PHF10: variants seen among roughly 807,000 people sequenced by gnomAD.
PHF10 encodes the protein BRG1-associated factor 45a.
A neutral mutation model predicts 68.5 loss-of-function variants in PHF10; 51 were observed. That is an observed-to-expected ratio of 0.74 (90% confidence interval 0.59 to 0.94). PHF10 has a LOEUF of 0.94. Ranked by LOEUF, PHF10 falls within the 40% of genes least tolerant of loss-of-function variation. The pLI, the probability that PHF10 is intolerant of heterozygous loss-of-function variation, is 0.00. For synonymous variants in PHF10, 204 were observed against 203.5 expected, an observed-to-expected ratio of 1.00 and a Z score of -0.02; for missense variants, 460 against 602.6, an observed-to-expected ratio of 0.76 and a Z score of 2.48.
At chr6:169,711,215 G>A (rs1262840178) in intron 8 of PHF10, among the ~76,000 whole-genome samples, 1 of 151,664 alleles carries the variant, frequency 6.6e-6, no homozygotes, top group Non-Finnish European at 1.5e-5. Context: ...TACAAAACTG[G>A]ATTACACTGT....
chr6:169,712,337 A>T (rs773703874), intron 8 of PHF10, 49 bp downstream of exon 8: 26 of 1,534,158 alleles, frequency 1.7e-5, no homozygotes, highest in East Asian at 1.3e-4. Context: ...AATGTAACAA[A>T]AATTCAAAGA....
Position 169,703,964 on chromosome 6 carries a change from C to T in PHF10, c.*39G>A. The T allele has an allele frequency of 7.0e-7, 1 of 1,420,430 alleles. No individual in the cohort carries two copies. The highest frequency in any genetic ancestry group is 1.8e-4 in the Middle Eastern group (1 of 5,706). The allele number at this position is 1,420,430 out of a possible 1,614,324, so 88.0% of individuals were successfully genotyped here. ...ATGTTGTAAATGGCACCAAATATTC[C>T]ACTTAAATGCATATACAGTATTAGA... On this transcript the variant is annotated 3_prime_UTR_variant, in exon 12 of 12. Coordinates refer to ENST00000339209, the MANE Select transcript of PHF10 (RefSeq NM_018288.4).
chr6:169,710,634 A>C (rs942639014), intron 8 of PHF10, among the ~76,000 whole-genome samples: 1 of 152,130 alleles, frequency 6.6e-6, no homozygotes, highest in Non-Finnish European at 1.5e-5. Context: ...GCCTTCATCA[A>C]CTTTGTTTTC....
At chr6:169,712,081 G>A (rs1458224519) in intron 8 of PHF10, among the ~76,000 whole-genome samples, 1 of 152,152 alleles carries the variant, frequency 6.6e-6, no homozygotes, top group Non-Finnish European at 1.5e-5. Context: ...ATCAAATTCT[G>A]TTTTGTTCAA....
intron 11 of PHF10, 70 bp downstream of exon 11, chr6:169,705,063 T>G (rs1788731244): frequency 1.7e-6 from 2 of 1,179,742 alleles, no homozygotes; most frequent in East Asian, 4.8e-5. Flanking sequence ...ATAGCGTTTA[T>G]GCAGCCTTTT....
At chr6:169,707,327 C>A (rs1292970171) in intron 9 of PHF10, 1 of 152,120 alleles carries the variant, frequency 6.6e-6, no homozygotes, top group African/African-American at 2.4e-5. Context: ...TGTTCCTATA[C>A]CTAAATAAAA....
chr6:169,706,264 C>A (rs930722638), intron 9 of PHF10, among the ~76,000 whole-genome samples: 3 of 152,124 alleles, frequency 2.0e-5, no homozygotes, highest in Admixed American at 6.6e-5. Context: ...AAAGATGTCT[C>A]ATGCATACAT....
In PHF10 at chr6:169,705,665, CTTG is replaced by C. The variant is rs1271570850; in HGVS notation, c.1170_1172del (p.Asn390del). 1 of 1,591,498 alleles carries C rather than the reference CTTG, an allele frequency of 6.3e-7. No homozygotes were observed. Among genetic ancestry groups the C allele is most frequent in the Non-Finnish European group, 8.6e-7 (1 of 1,159,500 alleles). ...GTATAAGTGATTCAGCCTTTCCTTTCTTGTTGGACTCCTTACCCTTCAGACAAA... is the reference window on the plus strand; with the variant it reads ...GTATAAGTGATTCAGCCTTTCCTTTCTTGGACTCCTTACCCTTCAGACAAA... On this transcript the variant is annotated inframe_deletion, in exon 10 of 12. Transcript: ENST00000339209.
chr6:169,705,629 T>C lies in PHF10; in HGVS notation c.1209A>G (p.Gln403=), dbSNP rs4286788. The C allele has an allele frequency of 8.2e-4, 1,204 of 1,467,854 alleles. 3 individuals carry two copies. The African/African-American group carries it at 0.015, about 19-fold the overall frequency. 90.9% of individuals were successfully genotyped at this position (1,467,854 alleles called of 1,614,324 possible). ...TTCAATACTTACCACTATTCTCACA[T>C]TGGGAGCAGTGTATAAGTGATTCAG... ...GKAESLIHCS[Q]CENSGHPSCL... The change falls in exon 10 of 12, where the codon CAA becomes CAG. Residue 403 remains glutamine, a synonymous_variant. Transcript: ENST00000339209.
chr6:169,723,989 C>T lies in PHF10; in HGVS notation c.-58G>A. ...GTCGCCTCCGCCTTGTCCCGGCCGC[C>T]GCCGCCGCTGCCGCCGCCGCCGCCG... On this transcript the variant is annotated 5_prime_UTR_variant, in exon 1 of 12. Transcript: ENST00000339209. 7 of 452,312 alleles carry T rather than the reference C, an allele frequency of 1.5e-5. No homozygotes were observed. Among genetic ancestry groups the T allele is most frequent in the Non-Finnish European group, 2.0e-5 (7 of 347,612 alleles). 28.0% of individuals were successfully genotyped at this position (452,312 alleles called of 1,614,324 possible).
At chr6:169,711,114 T>C (rs766818064) in intron 8 of PHF10, among the ~76,000 whole-genome samples, 2 of 152,286 alleles carry the variant, frequency 1.3e-5, no homozygotes, top group South Asian at 2.1e-4. Context: ...ATGTATCTAC[T>C]TTATCTTTTT....
intron 11 of PHF10, chr6:169,704,304 G>A (rs1788694129): frequency 8.0e-6 from 4 of 502,030 alleles, no homozygotes. Flanking sequence ...CAAGGGGGAT[G>A]GGAGAGATGC....
chr6:169,709,191 G>A (rs922759265), intron 9 of PHF10: 5 of 152,038 alleles, frequency 3.3e-5, no homozygotes, highest in Admixed American at 6.5e-5. Flanking sequence ...ATGTTAGAAC[G>A]TGTTCTAGTT....
rs928087473 is a variant in PHF10 at position 169,724,206 on chromosome 6, G to A, written c.-275C>T. Among the ~76,000 whole-genome samples the A allele has an allele frequency of 1.8e-4, 27 of 146,310 alleles. No individual in the cohort carries two copies. The highest frequency in any genetic ancestry group is 3.5e-4 in the Non-Finnish European group (23 of 65,778). On this transcript the variant is annotated 5_prime_UTR_variant, in exon 1 of 12. Transcript: ENST00000339209. The stretch of plus-strand genomic sequence containing the variant: ...CGCGGGGCTGCGGGCCGGAATGGAG[G>A]AGGCCCAGCGGCGGCGGCGCTTCTC...
chr6:169,705,423 A>G (rs1251583715), intron 10 of PHF10, 102 bp from the exon 11 acceptor site: 6 of 831,146 alleles, frequency 7.2e-6, no homozygotes, highest in East Asian at 2.6e-5. Flanking sequence ...GAATGGCTAT[A>G]ATGTCAAATC....
chr6:169,720,893 T>C (rs1789160348), intron 2 of PHF10, 112 bp downstream of exon 2: 12 of 614,814 alleles, frequency 2.0e-5, no homozygotes, highest in Non-Finnish European at 3.1e-5. Flanking sequence ...AGGAAGAAAA[T>C]ATTCTACAAT....
chr6:169,716,140 G>T, intron 4 of PHF10, 52 bp from the exon 5 acceptor site: 1 of 1,283,324 alleles, frequency 7.8e-7, no homozygotes, highest in South Asian at 1.6e-5. Context: ...AAGGATAAGT[G>T]AACAAAAGCA....
At chr6:169,712,077 T>A (rs1331491896) in intron 8 of PHF10, among the ~76,000 whole-genome samples, 1 of 152,192 alleles carries the variant, frequency 6.6e-6, no homozygotes, top group African/African-American at 2.4e-5. Context: ...AGAGATCAAA[T>A]TCTGTTTTGT....
chr6:169,708,721 TA>T, intron 9 of PHF10: 1 of 152,318 alleles, frequency 6.6e-6, no homozygotes, highest in Middle Eastern at 3.4e-3. Flanking sequence ...CAGCCTGTAT[TA>T]AAACATCTAT....
Sources: allele counts gnomAD v4.1 joint callset (sites outside exome capture counted in the v4.1 genomes callset), GRCh38; gene constraint gnomAD v4.1.1; transcripts MANE v1.5; gene names NCBI Gene and HGNC (gene_info 2026-07-23, HGNC 2026-07-21).